The following SGTA variants were observed in gnomAD, a reference collection of about 807,000 sequenced individuals.
The protein encoded by SGTA is small glutamine-rich tetratricopeptide repeat-containing protein alpha.
A neutral mutation model predicts 44.3 loss-of-function variants in SGTA; 22 were observed. The observed-to-expected ratio is 0.50, with a 90% CI of 0.36 to 0.71. The LOEUF (loss-of-function observed/expected upper bound fraction) is 0.71, where lower values mean the gene tolerates loss of function less well. SGTA is among the 30% of genes least tolerant of loss of function. The pLI is 0.00. For missense variants in SGTA, 341 were observed against 435.9 expected, an observed-to-expected ratio of 0.78 and a Z score of 1.94; for synonymous variants, 174 against 177.6, an observed-to-expected ratio of 0.98 and a Z score of 0.16.
Position 2,755,724 on chromosome 19 carries a change from C to T in SGTA, c.*216G>A, listed in dbSNP as rs1438294353. On this transcript the variant is annotated 3_prime_UTR_variant, in exon 12 of 12. Coordinates refer to ENST00000221566, the MANE Select transcript of SGTA (RefSeq NM_003021.4). The surrounding 1 kb of genome is among the most constrained non-coding windows in gnomAD (Gnocchi z 5.2). ...TGCTGGTCTGTGCTCAGCTTGCTGGCTCTCGTTTCAAGAAGGGTCTGGGGG... is the reference window on the plus strand; with the variant it reads ...TGCTGGTCTGTGCTCAGCTTGCTGGTTCTCGTTTCAAGAAGGGTCTGGGGG... The T allele has an allele frequency of 2.0e-6, 2 of 985,432 alleles. No homozygotes were observed. Among genetic ancestry groups the T allele is most frequent in the African/African-American group, 1.7e-5 (1 of 57,336 alleles). The allele number at this position is 985,432 out of a possible 1,614,324, so 61.0% of individuals were successfully genotyped here.
At position 2,767,456 on chromosome 19, in the gene SGTA, C is replaced by A; in HGVS notation, c.207+124G>T. On this transcript the variant is annotated intron_variant, in intron 3 of 11. Transcript: ENST00000221566. This position sits in a 1 kb window ranked among gnomAD's most constrained non-coding sequence, Gnocchi z 7.3. ...AGTGCTCCTGCAGCCACGTCCCCAG[C>A]CCAGGAGAGGATGCAGGCAGAGTGC... 2 of 868,400 alleles carry A rather than the reference C, an allele frequency of 2.3e-6. No homozygotes were observed. Among genetic ancestry groups the A allele is most frequent in the Admixed American group, 2.1e-5 (1 of 48,514 alleles). The allele number at this position is 868,400 out of a possible 1,614,324, so 53.8% of individuals were successfully genotyped here.
At chr19:2,756,893 G>A (rs563567620) in intron 11 of SGTA, among the ~76,000 whole-genome samples, 7 of 152,302 alleles carry the variant, frequency 4.6e-5, no homozygotes, top group South Asian at 4.1e-4. Flanking sequence ...CAGAACGCTC[G>A]GGCGCAGTCA....
chr19:2,756,278 G>A (rs942055027), intron 11 of SGTA, among the ~76,000 whole-genome samples: 8 of 151,770 alleles, frequency 5.3e-5, no homozygotes, highest in East Asian at 1.9e-4. Context: ...AAGAAAAGGC[G>A]GCCAAAATAT....
intron 1 of SGTA, among the ~76,000 whole-genome samples, chr19:2,777,173 C>T (rs1398418587): frequency 6.6e-6 from 1 of 151,480 alleles, no homozygotes; most frequent in Non-Finnish European, 1.5e-5. Flanking sequence ...ATCACTTGAA[C>T]TCGGGAGGTG....
At position 2,761,934 on chromosome 19, in the gene SGTA, G is replaced by T. The variant is rs7256139; in HGVS notation, c.637-412C>A. On this transcript the variant is annotated intron_variant, in intron 7 of 11. Transcript: ENST00000221566. The surrounding 1 kb of genome is among the most constrained non-coding windows in gnomAD (Gnocchi z 5.7). ...ACGGCACAGTCTATCATCCCGTGTT[G>T]ATTTCCTGTATTCTGCCGCTTTGAC... Among the ~76,000 whole-genome samples, 45,597 of 146,634 alleles carry T rather than the reference G, an allele frequency of 0.31. 8,008 individuals are homozygous for T. Among genetic ancestry groups the T allele is most frequent in the East Asian group, 0.63 (3,025 of 4,810 alleles).
chr19:2,778,506 G>A lies in SGTA; in HGVS notation c.-24+4727C>T, dbSNP rs752676970. On this transcript the variant is annotated intron_variant, in intron 1 of 11. Transcript: ENST00000221566. Reference sequence around the variant, plus strand: ...TCCCTCCTGGAACACCGCCCCCCCCGGCCCCCGCCGCCACATCCCAGAGAA... The same window carrying A: ...TCCCTCCTGGAACACCGCCCCCCCCAGCCCCCGCCGCCACATCCCAGAGAA... Among the ~76,000 whole-genome samples, 19 of 120,892 alleles carry A rather than the reference G, an allele frequency of 1.6e-4. No individual in the cohort carries two copies. In the East Asian group the frequency reaches 3.0e-3, roughly 19 times the overall value. 79.3% of individuals were successfully genotyped at this position (120,892 alleles called of 152,430 possible).
chr19:2,764,397 T>C (rs765637598), intron 5 of SGTA, among the ~76,000 whole-genome samples: 8 of 152,318 alleles, frequency 5.3e-5, no homozygotes, highest in Admixed American at 3.9e-4. Context: ...ATGTATGTAT[T>C]TATGTATTTA....
chr19:2,757,199 A>G, intron 11 of SGTA, 138 bp downstream of exon 11: 1 of 1,115,508 alleles, frequency 9.0e-7, no homozygotes, highest in Non-Finnish European at 1.3e-6. Context: ...AGCTGGATGC[A>G]CCCAGGACTC....
chr19:2,756,453 CAAAAAAAA>C, intron 11 of SGTA, among the ~76,000 whole-genome samples: 1 of 73,656 alleles, frequency 1.4e-5, no homozygotes, highest in African/African-American at 4.8e-5. Flanking sequence ...AGGACGGTCT[CAAAAAAAA>C]AAAAAAAAGA....
At chr19:2,770,336 C>G (rs891589111) in intron 1 of SGTA, 16 of 152,340 alleles carry the variant, frequency 1.1e-4, no homozygotes, top group African/African-American at 3.9e-4. Flanking sequence ...AGTACAAGAC[C>G]TTTCACACAG....
intron 8 of SGTA, 124 bp from the exon 9 acceptor site, chr19:2,759,418 C>T: frequency 1.2e-6 from 1 of 869,288 alleles, no homozygotes; most frequent in Non-Finnish European, 1.9e-6. Flanking sequence ...ACAGTAAGAG[C>T]CGGGCATTCG....
Position 2,769,033 on chromosome 19 carries a change from G to C in SGTA, c.36C>G (p.Ile12Met), listed in dbSNP as rs1813482185. The stretch of plus-strand genomic sequence containing the variant: ...GCCGGAGCTGGTCATGCAGGAACTG[G>C]ATGATGGCGTAGGCCAGGCGCTTCT... Reference protein sequence around the residue: ...DNKKRLAYAIIQFLHDQLRHG... With the variant: ...DNKKRLAYAIMQFLHDQLRHG... The change falls in exon 2 of 12, where the codon ATC becomes ATG. Residue 12 changes from isoleucine to methionine, a missense_variant. Coordinates refer to ENST00000221566, the MANE Select transcript of SGTA (RefSeq NM_003021.4). 5.6e-6 allele frequency: 9 copies of C among 1,613,902 alleles called. No individual in the cohort carries two copies. The highest frequency in any genetic ancestry group is 7.6e-6 in the Non-Finnish European group (9 of 1,179,938).
At position 2,767,024 on chromosome 19, in the gene SGTA, G is replaced by A; in HGVS notation, c.292+112C>T. ...ACAAGCCAGCGTGCTGGTCATCAGG[G>A]CAATTCCCTCAGCTCCCTGGGCCCC... On this transcript the variant is annotated intron_variant, in intron 4 of 11. Coordinates refer to ENST00000221566, the MANE Select transcript of SGTA (RefSeq NM_003021.4). The surrounding 1 kb of genome is among the most constrained non-coding windows in gnomAD (Gnocchi z 7.3). 1 of 793,328 alleles carries A rather than the reference G, an allele frequency of 1.3e-6. No individual in the cohort carries two copies. The highest frequency in any genetic ancestry group is 2.0e-5 in the Admixed American group (1 of 49,456). The allele number at this position is 793,328 out of a possible 1,614,324, so 49.1% of individuals were successfully genotyped here.
At chr19:2,760,497 G>A (rs868702891) in intron 8 of SGTA, among the ~76,000 whole-genome samples, 10 of 119,536 alleles carry the variant, frequency 8.4e-5, no homozygotes, top group Admixed American at 4.6e-4. Context: ...CAACCTGGGC[G>A]ACAGAGCGAG....
rs760531718 is a variant in SGTA, at chr19:2,765,214, G to A, written c.364C>T (p.Pro122Ser). 2 of 1,614,056 alleles carry A rather than the reference G, an allele frequency of 1.2e-6. No individual in the cohort carries two copies. Residue 122 changes from proline to serine, a missense_variant, in exon 5 of 12, where the codon CCA becomes TCA. Pro to Ser is a moderately conservative substitution (Grantham distance 74, BLOSUM62 -1). Transcript: ENST00000221566. This position sits in a 1 kb window ranked among gnomAD's most constrained non-coding sequence, Gnocchi z 5.5. ...HFYGKAIELNPANAVYFCNRA... is the reference protein window; with the variant it reads ...HFYGKAIELNSANAVYFCNRA... ...TTGCAGAAATAGACGGCGTTGGCTG[G>A]GTTGAGCTCGATGGCTTTTCCGTAG...
intron 1 of SGTA, among the ~76,000 whole-genome samples, chr19:2,778,504 C>CG (rs1344704800): frequency 6.6e-6 from 1 of 151,694 alleles, no homozygotes; most frequent in African/African-American, 2.4e-5. Flanking sequence ...ACCGCCCCCC[C>CG]CGGCCCCCGC....
rs1170133807 is a variant in SGTA, at chr19:2,761,235, G to C, written c.699+225C>G. Among the ~76,000 whole-genome samples the C allele has an allele frequency of 6.6e-6, 1 of 152,128 alleles. No homozygotes were observed. Among genetic ancestry groups the C allele is most frequent in the Non-Finnish European group, 1.5e-5 (1 of 68,026 alleles). On this transcript the variant is annotated intron_variant, in intron 8 of 11. Transcript: ENST00000221566. The surrounding 1 kb of genome is among the most constrained non-coding windows in gnomAD (Gnocchi z 5.7). ...GGACATCAACATTGGGGACACTTTT[G>C]ATTGTCGAAGCAGAGGGTGGGGGTG...
intron 8 of SGTA, among the ~76,000 whole-genome samples, chr19:2,760,158 C>A (rs957316922): frequency 3.3e-5 from 5 of 152,060 alleles, no homozygotes; most frequent in African/African-American, 4.8e-5. Context: ...AACTACTCAG[C>A]TCTGCCGCCG....
At chr19:2,766,555 C>A (rs1915147765) in intron 4 of SGTA, among the ~76,000 whole-genome samples, 1 of 152,046 alleles carries the variant, frequency 6.6e-6, no homozygotes, top group Admixed American at 6.6e-5. Flanking sequence ...GCCTCAGCCT[C>A]CTGAGTAGTT....
Sources: allele counts gnomAD v4.1 joint callset (sites outside exome capture counted in the v4.1 genomes callset), GRCh38; gene constraint gnomAD v4.1.1; non-coding constraint Gnocchi (gnomAD v3.1); transcripts MANE v1.5; gene names NCBI Gene and HGNC (gene_info 2026-07-23, HGNC 2026-07-21).